WWOX: variants seen among roughly 807,000 people sequenced by gnomAD.
WWOX encodes the protein WW domain containing oxidoreductase.
In WWOX, 69 loss-of-function variants were observed where a neutral mutation model predicts 46.2. The ratio of observed to expected loss-of-function variants is 1.49; its 90% CI spans 1.23 to 1.82. WWOX has a LOEUF of 1.82. Among genes scored for constraint, WWOX ranks in the 40% most tolerant of loss-of-function variants. WWOX has a pLI of 0.00. For synonymous variants in WWOX, 359 were observed against 202.6 expected, an observed-to-expected ratio of 1.77 and a Z score of -6.56; for missense variants, 919 against 542.6, an observed-to-expected ratio of 1.69 and a Z score of -6.89.
chr16:78,344,991 A>G (rs2081070193), intron 5 of WWOX, among the ~76,000 whole-genome samples: 1 of 120,262 alleles, frequency 8.3e-6, no homozygotes, highest in Non-Finnish European at 2.0e-5. Context: ...TTTCCAGGTG[A>G]AAACGGGAGT....
chr16:79,155,696 A>T (rs957749524), intron 8 of WWOX, among the ~76,000 whole-genome samples: 4 of 152,200 alleles, frequency 2.6e-5, no homozygotes, highest in Middle Eastern at 3.4e-3. Flanking sequence ...GAGGTCAGGG[A>T]GGGGCCTCAA....
At chr16:78,496,640 A>T (rs991774457) in intron 8 of WWOX, among the ~76,000 whole-genome samples, 2 of 152,366 alleles carry the variant, frequency 1.3e-5, no homozygotes, top group African/African-American at 4.8e-5. Context: ...GGAGGGATGC[A>T]TTCTATGCAC....
intron 8 of WWOX, among the ~76,000 whole-genome samples, chr16:78,765,730 C>G (rs1244017725): frequency 1.3e-5 from 2 of 152,148 alleles, no homozygotes; most frequent in Non-Finnish European, 2.9e-5. Flanking sequence ...TGAGTTCACT[C>G]TGGCAGTTGT....
At chr16:79,033,345 AC>A (rs1361289422) in intron 8 of WWOX, among the ~76,000 whole-genome samples, 1 of 149,030 alleles carries the variant, frequency 6.7e-6, no homozygotes, top group Non-Finnish European at 1.5e-5. Context: ...TATTACATAT[AC>A]ATAATATATA....
intron 5 of WWOX, among the ~76,000 whole-genome samples, chr16:78,200,460 C>T (rs937268571): frequency 3.3e-5 from 5 of 150,060 alleles, no homozygotes; most frequent in Non-Finnish European, 7.4e-5. Context: ...CTCAGTTTCC[C>T]AGCATGTAAA....
At chr16:78,860,789 A>G (rs1298108012) in intron 8 of WWOX, among the ~76,000 whole-genome samples, 1 of 152,154 alleles carries the variant, frequency 6.6e-6, no homozygotes, top group East Asian at 1.9e-4. Flanking sequence ...GGGAGTTAAA[A>G]TGATCCAGCT....
chr16:78,572,774 G>C (rs1455061065), intron 8 of WWOX, among the ~76,000 whole-genome samples: 1 of 152,078 alleles, frequency 6.6e-6, no homozygotes, highest in African/African-American at 2.4e-5. Context: ...GTTTTCCCAG[G>C]TGTGAGGGAC....
chr16:78,826,472 G>C (rs116504109), intron 8 of WWOX, among the ~76,000 whole-genome samples: 1,726 of 152,262 alleles, frequency 0.011, 37 homozygotes, highest in East Asian at 0.055. Flanking sequence ...TTCGTTTCTG[G>C]TGGCTGCTCG....
intron 8 of WWOX, among the ~76,000 whole-genome samples, chr16:79,058,776 A>G (rs1198412593): frequency 6.6e-6 from 1 of 152,196 alleles, no homozygotes; most frequent in Non-Finnish European, 1.5e-5. Context: ...ATATTATTTT[A>G]TTCTATACTA....
At chr16:79,089,972 AAGGGG>A (rs2048924742) in intron 8 of WWOX, 1 of 146,760 alleles carries the variant, frequency 6.8e-6, no homozygotes, top group Non-Finnish European at 1.5e-5. Context: ...AAAAAAAAAA[AAGGGG>A]GGGCCGGCGA....
intron 8 of WWOX, among the ~76,000 whole-genome samples, chr16:78,900,359 C>A (rs539127940): frequency 2.6e-5 from 4 of 152,198 alleles, no homozygotes; most frequent in Admixed American, 1.3e-4. Flanking sequence ...CAAGTATGCA[C>A]GCTCATATTA....
chr16:78,260,781 A>T (rs2079212852), intron 5 of WWOX, among the ~76,000 whole-genome samples: 1 of 149,910 alleles, frequency 6.7e-6, no homozygotes, highest in African/African-American at 2.5e-5. Context: ...TGTACCAAAC[A>T]TACAAAAATT....
chr16:78,902,743 C>T (rs950084783), intron 8 of WWOX, among the ~76,000 whole-genome samples: 9 of 152,216 alleles, frequency 5.9e-5, no homozygotes, highest in African/African-American at 2.2e-4. Flanking sequence ...TGGAAATCCA[C>T]TTTTCCATCC....
At chr16:78,692,515 T>G (rs1389572425) in intron 8 of WWOX, among the ~76,000 whole-genome samples, 2 of 152,164 alleles carry the variant, frequency 1.3e-5, no homozygotes, top group Non-Finnish European at 2.9e-5. Flanking sequence ...TGCCTGCCTT[T>G]GGGTTCTAAG....
chr16:78,814,347 C>G (rs771123543), intron 8 of WWOX, among the ~76,000 whole-genome samples: 11 of 152,046 alleles, frequency 7.2e-5, no homozygotes, highest in Non-Finnish European at 1.3e-4. Context: ...AAAAAATGCA[C>G]TTTTCTATAT....
intron 5 of WWOX, among the ~76,000 whole-genome samples, chr16:78,258,467 C>T (rs1057267981): frequency 2.0e-5 from 3 of 152,024 alleles, no homozygotes; most frequent in Non-Finnish European, 4.4e-5. Context: ...GATTCCCACT[C>T]GGATGCTACG....
chr16:78,480,804 G>T (rs556436725), intron 8 of WWOX, among the ~76,000 whole-genome samples: 2 of 152,316 alleles, frequency 1.3e-5, no homozygotes, highest in Non-Finnish European at 2.9e-5. Context: ...GCTTTGAAAT[G>T]TATTGTAGTT....
intron 8 of WWOX, among the ~76,000 whole-genome samples, chr16:79,045,478 C>A (rs58238471): frequency 0.069 from 10,547 of 152,176 alleles, 464 homozygotes; most frequent in African/African-American, 0.13. Context: ...GCTGACCTCT[C>A]CAGAAAGAGA....
intron 6 of WWOX, among the ~76,000 whole-genome samples, chr16:78,401,291 G>T (rs1324458001): frequency 6.6e-6 from 1 of 152,152 alleles, no homozygotes; most frequent in Non-Finnish European, 1.5e-5. Flanking sequence ...GGAAAAGACT[G>T]AATATTTTAA....
Sources: allele counts gnomAD v4.1 joint callset (sites outside exome capture counted in the v4.1 genomes callset), GRCh38; gene constraint gnomAD v4.1.1; transcripts MANE v1.5; gene names NCBI Gene and HGNC (gene_info 2026-07-23, HGNC 2026-07-21).